Variants in PLCB1 observed in about 807,000 individuals in gnomAD.
The protein encoded by PLCB1 is phospholipase C beta 1.
A neutral mutation model predicts 161.8 loss-of-function variants in PLCB1; 46 were observed. That is an observed-to-expected ratio of 0.28 (90% CI 0.22 to 0.36). PLCB1 has a LOEUF of 0.36. Ranked by LOEUF, PLCB1 falls within the 10% of genes least tolerant of loss-of-function variation. The pLI is 1.00. For synonymous variants in PLCB1, 517 were observed against 503.7 expected, an observed-to-expected ratio of 1.03 and a Z score of -0.35; for missense variants, 1,016 against 1,472.5, an observed-to-expected ratio of 0.69 and a Z score of 5.07.
intron 19 of PLCB1, 70 bp downstream of exon 19, chr20:8,733,462 G>T: frequency 1.5e-6 from 2 of 1,317,298 alleles, no homozygotes; most frequent in Non-Finnish European, 1.1e-6. Context: ...ATAAAGAAGT[G>T]GCTTAGTCAT....
intron 3 of PLCB1, among the ~76,000 whole-genome samples, chr20:8,541,591 A>AGAAAGAAAGAAAGAAAGAAAGAAT: frequency 6.6e-6 from 1 of 151,692 alleles, no homozygotes; most frequent in African/African-American, 2.4e-5. Context: ...AAAGAAAGAA[A>AGAAAGAAAGAAAGAAAGAAAGAAT]GAAAGAAAGA....
rs11341765 is a variant in PLCB1 at position 8,518,180 on chromosome 20, C to CAA, written c.247-110102_247-110101dup. Among the ~76,000 whole-genome samples the CAA allele has an allele frequency of 2.8e-5, 4 of 141,642 alleles. No individual in the cohort carries two copies. The East Asian group carries it at 8.4e-4, about 30-fold the overall frequency. 92.9% of individuals were successfully genotyped at this position (141,642 alleles called of 152,430 possible). A position where few individuals can be genotyped will look rare whatever the true frequency, so the allele number is the denominator to read the frequency against. Reference sequence around the variant, plus strand: ...CTGGTGACAGAGGGAGACTCTGTCTCAAAAAAAAAAAAATTATCCTATTTT... The same window carrying CAA: ...CTGGTGACAGAGGGAGACTCTGTCTCAAAAAAAAAAAAAAATTATCCTATTTT... On this transcript the variant is annotated intron_variant, in intron 3 of 31. Coordinates refer to ENST00000338037, the MANE Select transcript of PLCB1 (RefSeq NM_015192.4).
chr20:8,440,816 G>T (rs1980525343), intron 3 of PLCB1, among the ~76,000 whole-genome samples: 2 of 151,578 alleles, frequency 1.3e-5, no homozygotes, highest in Admixed American at 1.3e-4. Context: ...CCCACACAAA[G>T]AAATGATAAA....
chr20:8,631,681 C>T (rs1225623528), intron 4 of PLCB1, among the ~76,000 whole-genome samples: 1 of 152,140 alleles, frequency 6.6e-6, no homozygotes, highest in Non-Finnish European at 1.5e-5. Flanking sequence ...GAACCATCTG[C>T]CCCCTTAATG....
At chr20:8,761,230 T>C (rs1407974977) in intron 25 of PLCB1, among the ~76,000 whole-genome samples, 1 of 152,206 alleles carries the variant, frequency 6.6e-6, no homozygotes, top group Non-Finnish European at 1.5e-5. Context: ...TAGGATTCCA[T>C]ATACACCAAC....
intron 24 of PLCB1, among the ~76,000 whole-genome samples, chr20:8,758,991 G>A (rs1396583716): frequency 6.6e-6 from 1 of 152,196 alleles, no homozygotes; most frequent in East Asian, 1.9e-4. Context: ...GCTTTCTACA[G>A]TAATGTCCTT....
At chr20:8,862,560 A>C (rs1386806543) in intron 31 of PLCB1, among the ~76,000 whole-genome samples, 1 of 152,230 alleles carries the variant, frequency 6.6e-6, no homozygotes, top group Non-Finnish European at 1.5e-5. Context: ...TGCTGCTTGA[A>C]TATAATCACT....
intron 31 of PLCB1, among the ~76,000 whole-genome samples, chr20:8,853,127 A>G (rs1986946079): frequency 2.6e-5 from 4 of 152,270 alleles, no homozygotes; most frequent in Admixed American, 2.6e-4. Context: ...AAATTTAAAA[A>G]AAGTATTTAT....
intron 26 of PLCB1, among the ~76,000 whole-genome samples, chr20:8,767,519 A>G (rs1365011717): frequency 1.3e-5 from 2 of 152,118 alleles, no homozygotes; most frequent in Non-Finnish European, 2.9e-5. Flanking sequence ...CCCTTCTTCA[A>G]TTGCAAGACT....
Position 8,460,800 on chromosome 20 carries a change from C to A in PLCB1, c.246+89350C>A, listed in dbSNP as rs569693222. 2.0e-5 allele frequency among the ~76,000 whole-genome samples: 3 copies of A among 152,286 alleles called. No individual in the cohort carries two copies. In the South Asian group the frequency reaches 6.2e-4, roughly 32 times the overall value. ...AAGATTTTCAAGTACATAGGAACCA[C>A]TGGGGACTCTTACTACCATTCTGAT... On this transcript the variant is annotated intron_variant, in intron 3 of 31. Transcript: ENST00000338037.
chr20:8,864,870 T>C (rs1318233659), intron 31 of PLCB1, among the ~76,000 whole-genome samples: 1 of 152,154 alleles, frequency 6.6e-6, no homozygotes, highest in Non-Finnish European at 1.5e-5. Flanking sequence ...CTAGGTTGAG[T>C]GTTCTGAAGA....
chr20:8,508,875 C>G lies in PLCB1; in HGVS notation c.247-119419C>G, dbSNP rs61472302. On this transcript the variant is annotated intron_variant, in intron 3 of 31. Transcript: ENST00000338037. ...AGCTATTGTATAAAAGTGAAACCAA[C>G]AAAAGATTTTTTGGGGAGGAAGATT... Among the ~76,000 whole-genome samples the G allele has an allele frequency of 2.0e-5, 3 of 151,890 alleles. No homozygotes were observed. The East Asian group carries it at 5.8e-4, about 29-fold the overall frequency.
chr20:8,781,417 AACAC>A (rs745610188), intron 27 of PLCB1, among the ~76,000 whole-genome samples: 224 of 28,138 alleles, frequency 8.0e-3, no homozygotes, highest in Non-Finnish European at 0.021. Flanking sequence ...CACACACACA[AACAC>A]ACACACACAC....
At chr20:8,830,503 A>G (rs1037930417) in intron 31 of PLCB1, among the ~76,000 whole-genome samples, 25 of 152,192 alleles carry the variant, frequency 1.6e-4, no homozygotes, top group African/African-American at 5.8e-4. Flanking sequence ...TTCTGCTTTT[A>G]TGTCCCTGAG....
intron 12 of PLCB1, among the ~76,000 whole-genome samples, chr20:8,710,501 G>C (rs1033660110): frequency 1.1e-4 from 13 of 116,780 alleles, no homozygotes; most frequent in Admixed American, 9.6e-5. Context: ...ACTTGAGGAT[G>C]CTTTTTTTTT....
chr20:8,662,033 TATTATATA>T (rs1393971425), intron 9 of PLCB1, among the ~76,000 whole-genome samples: 6 of 92,594 alleles, frequency 6.5e-5, no homozygotes, highest in Non-Finnish European at 1.0e-4. Flanking sequence ...TACAATTATT[TATTATATA>T]ATTATATATA....
intron 2 of PLCB1, among the ~76,000 whole-genome samples, chr20:8,256,501 G>A (rs1200675142): frequency 2.0e-5 from 3 of 152,078 alleles, no homozygotes; most frequent in Non-Finnish European, 4.4e-5. Flanking sequence ...GGCATGTTGA[G>A]GCCTAAACTG....
intron 4 of PLCB1, among the ~76,000 whole-genome samples, chr20:8,630,523 T>C (rs922698033): frequency 5.9e-5 from 9 of 152,232 alleles, no homozygotes; most frequent in South Asian, 2.1e-4. Context: ...TATAGTATCA[T>C]TTATACTTGG....
intron 3 of PLCB1, among the ~76,000 whole-genome samples, chr20:8,620,265 T>C (rs973441844): frequency 1.3e-5 from 2 of 152,204 alleles, no homozygotes; most frequent in Non-Finnish European, 2.9e-5. Flanking sequence ...CAACTTGTTA[T>C]GTGCGGCTCT....
Sources: gnomAD v4.1 joint callset for allele counts (sites outside exome capture counted in the v4.1 genomes callset) on GRCh38, gnomAD v4.1.1 for gene constraint, MANE v1.5 for transcripts, NCBI Gene and HGNC (gene_info 2026-07-23, HGNC 2026-07-21) for gene names.